The following NKAIN2 variants were observed in gnomAD, a reference collection of about 807,000 sequenced individuals.
The protein encoded by NKAIN2 is sodium/potassium-transporting ATPase subunit beta-1-interacting protein 2.
Under a neutral mutation model 32.6 loss-of-function variants are expected in NKAIN2, and 14 were observed. The ratio of observed to expected loss-of-function variants is 0.43; its 90% confidence interval spans 0.28 to 0.67. The LOEUF is 0.67. Among genes scored for constraint, NKAIN2 ranks in the 30% least tolerant of loss-of-function variants. NKAIN2 has a pLI of 0.17. For synonymous variants in NKAIN2, 80 were observed against 87.2 expected (o/e 0.92, Z 0.46); for missense variants, 198 against 258.3 (o/e 0.77, Z 1.60).
At chr6:124,631,840 A>G (rs1168733911) in intron 3 of NKAIN2, among the ~76,000 whole-genome samples, 1 of 151,994 alleles carries the variant, frequency 6.6e-6, no homozygotes, top group Non-Finnish European at 1.5e-5. Flanking sequence ...TCTCACAACT[A>G]CCCCGGACAC....
chr6:124,694,321 T>C (rs1774392258), intron 4 of NKAIN2, among the ~76,000 whole-genome samples: 1 of 152,192 alleles, frequency 6.6e-6, no homozygotes. Flanking sequence ...AATCAGGCAC[T>C]CTGCAAAGCA....
At chr6:123,960,813 G>C (rs1777809751) in intron 1 of NKAIN2, among the ~76,000 whole-genome samples, 1 of 151,922 alleles carries the variant, frequency 6.6e-6, no homozygotes, top group Non-Finnish European at 1.5e-5. Flanking sequence ...AGAACGTAAT[G>C]ATGGACCTCT....
intron 4 of NKAIN2, among the ~76,000 whole-genome samples, chr6:124,740,141 C>A (rs1446864690): frequency 6.8e-6 from 1 of 147,602 alleles, no homozygotes; most frequent in Non-Finnish European, 1.5e-5. Context: ...TTTTTTTTTT[C>A]TTTCCATCAT....
chr6:124,456,038 A>G (rs1776308512), intron 3 of NKAIN2, among the ~76,000 whole-genome samples: 1 of 151,816 alleles, frequency 6.6e-6, no homozygotes, highest in South Asian at 2.1e-4. Flanking sequence ...GATTATTGTA[A>G]GTGACATTTT....
intron 4 of NKAIN2, among the ~76,000 whole-genome samples, chr6:124,693,919 G>A (rs1428885523): frequency 2.6e-5 from 4 of 152,070 alleles, no homozygotes; most frequent in Admixed American, 6.6e-5. Context: ...AATTGCATCT[G>A]TTTCAGTCCT....
At chr6:124,459,179 A>T (rs1776435003) in intron 3 of NKAIN2, among the ~76,000 whole-genome samples, 1 of 151,864 alleles carries the variant, frequency 6.6e-6, no homozygotes, top group African/African-American at 2.4e-5. Flanking sequence ...GTCCCCAAAG[A>T]CAAATAAAAT....
chr6:124,573,323 G>A (rs543005731), intron 3 of NKAIN2, among the ~76,000 whole-genome samples: 14 of 152,108 alleles, frequency 9.2e-5, no homozygotes, highest in South Asian at 2.1e-4. Context: ...TGGTGGAACC[G>A]AGAGCTAGAA....
chr6:124,727,423 A>T (rs1387336593), intron 4 of NKAIN2, among the ~76,000 whole-genome samples: 4 of 151,134 alleles, frequency 2.6e-5, no homozygotes, highest in Non-Finnish European at 4.4e-5. Flanking sequence ...AAAGAAAAGA[A>T]TTTTCAACCC....
At chr6:124,650,785 C>G (rs376044854) in intron 3 of NKAIN2, among the ~76,000 whole-genome samples, 1 of 152,132 alleles carries the variant, frequency 6.6e-6, no homozygotes, top group Non-Finnish European at 1.5e-5. Flanking sequence ...ACTTCTGGTC[C>G]GCCAGAATCT....
At chr6:124,160,597 A>G (rs1788223356) in intron 1 of NKAIN2, among the ~76,000 whole-genome samples, 1 of 152,178 alleles carries the variant, frequency 6.6e-6, no homozygotes, top group African/African-American at 2.4e-5. Flanking sequence ...TTAATTAAGT[A>G]AAACACTAAT....
chr6:123,900,048 G>T (rs1774483881), intron 1 of NKAIN2, among the ~76,000 whole-genome samples: 1 of 152,302 alleles, frequency 6.6e-6, no homozygotes, highest in South Asian at 2.1e-4. Context: ...CCCTCTCACA[G>T]TGCTAGGTGT....
chr6:124,215,205 G>GAAAAATAAACCA (rs1429213093), intron 1 of NKAIN2, among the ~76,000 whole-genome samples: 1 of 151,934 alleles, frequency 6.6e-6, no homozygotes, highest in Admixed American at 6.6e-5. Flanking sequence ...AAAATCAATA[G>GAAAAATAAACCA]AACACTTGAA....
chr6:124,378,531 G>C (rs1026795621), intron 3 of NKAIN2, among the ~76,000 whole-genome samples: 1 of 152,148 alleles, frequency 6.6e-6, no homozygotes, highest in African/African-American at 2.4e-5. Context: ...TCAGGATGTT[G>C]CATTCCCAGT....
intron 1 of NKAIN2, among the ~76,000 whole-genome samples, chr6:123,863,573 T>C (rs1158481985): frequency 6.6e-6 from 1 of 152,212 alleles, no homozygotes; most frequent in Admixed American, 6.5e-5. Context: ...AGAAAACTGT[T>C]TGTGGCTTTA....
chr6:124,662,481 C>G (rs536859585), intron 4 of NKAIN2, among the ~76,000 whole-genome samples: 2 of 152,228 alleles, frequency 1.3e-5, no homozygotes, highest in South Asian at 4.1e-4. Flanking sequence ...TATATCTATT[C>G]CCTATTCAGA....
chr6:124,374,573 G>A (rs980565449), intron 3 of NKAIN2, among the ~76,000 whole-genome samples: 1 of 152,054 alleles, frequency 6.6e-6, no homozygotes, highest in African/African-American at 2.4e-5. Context: ...CCTGACTAGC[G>A]AGAAAGCTTA....
chr6:124,091,860 T>C (rs1372021858), intron 1 of NKAIN2, among the ~76,000 whole-genome samples: 2 of 151,960 alleles, frequency 1.3e-5, no homozygotes, highest in African/African-American at 4.8e-5. Context: ...CTCTGACTCT[T>C]TCCCGCATCA....
intron 3 of NKAIN2, among the ~76,000 whole-genome samples, chr6:124,642,035 A>G (rs1784012846): frequency 6.6e-6 from 1 of 152,202 alleles, no homozygotes; most frequent in Non-Finnish European, 1.5e-5. Context: ...ATTATGATAT[A>G]TAATCAACCA....
chr6:124,152,605 G>T (rs1399671708), intron 1 of NKAIN2, among the ~76,000 whole-genome samples: 1 of 151,888 alleles, frequency 6.6e-6, no homozygotes, highest in Non-Finnish European at 1.5e-5. Flanking sequence ...CAATATGGAG[G>T]TTCTTCAAAA....
Sources: gnomAD v4.1 joint callset for allele counts (sites outside exome capture counted in the v4.1 genomes callset) on GRCh38, gnomAD v4.1.1 for gene constraint, MANE v1.5 for transcripts, NCBI Gene and HGNC (gene_info 2026-07-23, HGNC 2026-07-21) for gene names.